ESR1: variants seen among roughly 807,000 people sequenced by gnomAD.
The protein encoded by ESR1 is estrogen receptor 1, also known as estrogen receptor.
In ESR1, 12 loss-of-function variants were observed where a neutral mutation model predicts 52.7. The observed-to-expected ratio is 0.23, with a 90% CI of 0.15 to 0.37. ESR1 has a LOEUF of 0.37. Ranked by LOEUF, ESR1 falls within the 10% of genes least tolerant of loss-of-function variation. ESR1 has a pLI of 1.00. For missense variants in ESR1, 584 were observed against 779.7 expected (o/e 0.75, Z 2.99); for synonymous variants, 305 against 316.8 (o/e 0.96, Z 0.39).
rs529740764 is a variant in ESR1 at position 152,034,282 on chromosome 6, G to T, written c.1235+22488G>T. ...GTGCACATGTACCCTAAAACTTAAA[G>T]TACAATAAAAATAAATAAATAAATA... is the stretch of plus-strand genomic sequence containing the variant. On this transcript the variant is annotated intron_variant, in intron 5 of 7. Coordinates refer to ENST00000206249, the MANE Select transcript of ESR1 (RefSeq NM_000125.4). Among the ~76,000 whole-genome samples the T allele has an allele frequency of 6.7e-3, 656 of 98,500 alleles. 2 individuals carry two copies. Among genetic ancestry groups the T allele is most frequent in the African/African-American group, 0.024 (612 of 25,508 alleles). 64.6% of individuals were successfully genotyped at this position (98,500 alleles called of 152,430 possible).
At chr6:151,714,227 G>A (rs1006196395) in intron 2 of ESR1, among the ~76,000 whole-genome samples, 2 of 152,072 alleles carry the variant, frequency 1.3e-5, no homozygotes, top group Non-Finnish European at 2.9e-5. Context: ...CCATTCTTTT[G>A]CATTTGCTGA....
rs558765259 is a variant in ESR1, at chr6:151,818,843, C to CAT, written c.452+10491_452+10492dup. ...CACACACATATATATACCTGGTATA[C>CAT]ATATATATATATAATATACATATAT... On this transcript the variant is annotated intron_variant, in intron 1 of 7. Coordinates refer to ENST00000206249, the MANE Select transcript of ESR1 (RefSeq NM_000125.4). 7.0e-4 allele frequency among the ~76,000 whole-genome samples: 105 copies of CAT among 150,928 alleles called. 1 individual carries two copies. Among genetic ancestry groups the CAT allele is most frequent in the South Asian group, 1.0e-3 (5 of 4,770 alleles).
At chr6:151,874,037 G>A (rs1012910458) in intron 2 of ESR1, among the ~76,000 whole-genome samples, 2 of 152,132 alleles carry the variant, frequency 1.3e-5, no homozygotes, top group African/African-American at 4.8e-5. Context: ...TTTTTCGCAG[G>A]ATTAGCTAAA....
At chr6:151,765,876 G>A (rs1280556869) in intron 2 of ESR1, among the ~76,000 whole-genome samples, 1 of 152,154 alleles carries the variant, frequency 6.6e-6, no homozygotes, top group Non-Finnish European at 1.5e-5. Flanking sequence ...GGAGAAAGGG[G>A]TTCAATTACA....
intron 1 of ESR1, among the ~76,000 whole-genome samples, chr6:151,662,845 A>G (rs1359382024): frequency 6.6e-6 from 1 of 152,212 alleles, no homozygotes; most frequent in East Asian, 1.9e-4. Flanking sequence ...ATAAGAAAAA[A>G]TTGTGGATCG....
chr6:151,949,853 G>A (rs1237037608), intron 4 of ESR1, among the ~76,000 whole-genome samples: 1 of 152,220 alleles, frequency 6.6e-6, no homozygotes, highest in African/African-American at 2.4e-5. Flanking sequence ...CATCTTGAGA[G>A]TATTTGAGAA....
chr6:152,004,491 G>C (rs945932328), intron 4 of ESR1, among the ~76,000 whole-genome samples: 1 of 151,956 alleles, frequency 6.6e-6, no homozygotes, highest in Non-Finnish European at 1.5e-5. Flanking sequence ...TATACCTCAT[G>C]TATGCATTAC....
At chr6:151,987,351 T>C (rs1003056952) in intron 4 of ESR1, among the ~76,000 whole-genome samples, 5 of 152,094 alleles carry the variant, frequency 3.3e-5, no homozygotes, top group African/African-American at 1.2e-4. Flanking sequence ...CTCTGCCTCC[T>C]GGGTTCAAGT....
At chr6:151,940,843 G>T (rs572880352) in intron 3 of ESR1, among the ~76,000 whole-genome samples, 2 of 152,302 alleles carry the variant, frequency 1.3e-5, no homozygotes, top group African/African-American at 4.8e-5. Flanking sequence ...CATCTTCCGT[G>T]AATATACATT....
intron 4 of ESR1, among the ~76,000 whole-genome samples, chr6:151,997,012 G>A (rs1275808108): frequency 6.6e-6 from 1 of 151,750 alleles, no homozygotes; most frequent in Non-Finnish European, 1.5e-5. Flanking sequence ...GTAAAATGGG[G>A]CAATAAGAAC....
chr6:151,991,393 A>C (rs560417480), intron 4 of ESR1, among the ~76,000 whole-genome samples: 6 of 152,290 alleles, frequency 3.9e-5, no homozygotes, highest in Admixed American at 2.6e-4. Context: ...ACTACAAAAA[A>C]CATTTATTAA....
At chr6:152,072,083 C>T (rs1169142833) in intron 6 of ESR1, among the ~76,000 whole-genome samples, 2 of 151,964 alleles carry the variant, frequency 1.3e-5, no homozygotes, top group Non-Finnish European at 2.9e-5. Context: ...ACGGCTTCCC[C>T]GCTGCTCAGC....
At chr6:151,876,902 G>A (rs367665154) in intron 2 of ESR1, among the ~76,000 whole-genome samples, 3 of 151,780 alleles carry the variant, frequency 2.0e-5, no homozygotes, top group Non-Finnish European at 4.4e-5. Flanking sequence ...TGGTTCATCC[G>A]GGCCTGCACA....
chr6:152,009,997 C>A (rs2042635749), intron 4 of ESR1, among the ~76,000 whole-genome samples: 1 of 151,974 alleles, frequency 6.6e-6, no homozygotes, highest in East Asian at 1.9e-4. Context: ...AGGTAAGAGA[C>A]TGTTAGGAGC....
At chr6:151,808,962 G>T (rs1459302929) in intron 1 of ESR1, 1 of 228,182 alleles carries the variant, frequency 4.4e-6, no homozygotes, top group Non-Finnish European at 9.8e-6. Context: ...TGGGGCTTTA[G>T]AGAGCGATTG....
chr6:152,062,958 A>C (rs916817226), intron 6 of ESR1, among the ~76,000 whole-genome samples: 2 of 152,170 alleles, frequency 1.3e-5, no homozygotes, highest in African/African-American at 2.4e-5. Flanking sequence ...TAAAACTATT[A>C]TGCAAGAAAT....
chr6:151,724,136 C>T (rs945123053), intron 2 of ESR1, among the ~76,000 whole-genome samples: 4 of 151,920 alleles, frequency 2.6e-5, no homozygotes, highest in Admixed American at 1.3e-4. Flanking sequence ...GATCTAGAAG[C>T]GACAGATGCC....
intron 3 of ESR1, among the ~76,000 whole-genome samples, chr6:151,884,287 C>G (rs548511060): frequency 6.6e-6 from 1 of 152,298 alleles, no homozygotes; most frequent in South Asian, 2.1e-4. Context: ...TCTATAACAA[C>G]TCCTTGAAAA....
At chr6:151,782,759 G>T (rs1786668011) in intron 2 of ESR1, among the ~76,000 whole-genome samples, 1 of 152,122 alleles carries the variant, frequency 6.6e-6, no homozygotes, top group Non-Finnish European at 1.5e-5. Flanking sequence ...ATGTGTGAAT[G>T]GACAATTAAG....
Sources: gnomAD v4.1 joint callset for allele counts (sites outside exome capture counted in the v4.1 genomes callset) on GRCh38, gnomAD v4.1.1 for gene constraint, MANE v1.5 for transcripts, NCBI Gene and HGNC (gene_info 2026-07-23, HGNC 2026-07-21) for gene names.